ZNF385A: variants seen among roughly 807,000 people sequenced by gnomAD.
ZNF385A encodes the protein zinc finger protein 385A.
Under a neutral mutation model 32.1 loss-of-function variants are expected in ZNF385A, and 14 were observed. The ratio of observed to expected loss-of-function variants is 0.44; its 90% CI spans 0.29 to 0.68. The LOEUF (loss-of-function observed/expected upper bound fraction) is 0.68, where lower values mean the gene tolerates loss of function less well. Ranked by LOEUF, ZNF385A falls within the 30% of genes least tolerant of loss-of-function variation. The pLI, the probability that ZNF385A is intolerant of heterozygous loss-of-function variation, is 0.14. For synonymous variants in ZNF385A, 197 were observed against 202.7 expected, an observed-to-expected ratio of 0.97 and a Z score of 0.24; for missense variants, 406 against 478.4, an observed-to-expected ratio of 0.85 and a Z score of 1.41.
intron 4 of ZNF385A, 47 bp downstream of exon 4, chr12:54,371,426 G>T (rs779656081): frequency 4.6e-5 from 72 of 1,581,708 alleles, no homozygotes; most frequent in Non-Finnish European, 6.1e-5. Context: ...AGAGGCAGGG[G>T]TGGCCTGAGG....
upstream of ZNF385A, chr12:54,385,541 G>T: frequency 1.4e-6 from 1 of 708,120 alleles, no homozygotes; most frequent in African/African-American, 1.9e-5. Flanking sequence ...CCCCCTGACA[G>T]CAACAGGGGT....
chr12:54,373,626 C>T (rs1370722670), intron 3 of ZNF385A, among the ~76,000 whole-genome samples: 2 of 152,228 alleles, frequency 1.3e-5, no homozygotes, highest in Non-Finnish European at 2.9e-5. Flanking sequence ...ATTCTGATTC[C>T]CTTCCCTGCC....
Position 54,371,716 on chromosome 12 carries a change from CTGT to C in ZNF385A, c.362-4_362-2del. ...GGCCCCAGTCCATTCTCCATGGAAA[CTGT>C]TGTTGGGGGAGAAACATGGGGATCA... On this transcript the variant is annotated splice_acceptor_variant and splice_polypyrimidine_tract_variant and intron_variant, in intron 3 of 6. Transcript: ENST00000394313. LOFTEE classifies it high-confidence loss of function. 1 of 1,611,536 alleles carries C rather than the reference CTGT, an allele frequency of 6.2e-7. No homozygotes were observed. Among genetic ancestry groups the C allele is most frequent in the Non-Finnish European group, 8.5e-7 (1 of 1,179,242 alleles).
At chr12:54,380,152 T>G (rs770460864) in intron 1 of ZNF385A, among the ~76,000 whole-genome samples, 1 of 152,126 alleles carries the variant, frequency 6.6e-6, no homozygotes, top group African/African-American at 2.4e-5. Context: ...ACTGCCCAAG[T>G]AGGAGAGAGC....
At position 54,379,414 on chromosome 12, in the gene ZNF385A, G is replaced by A. The variant is rs1430138652; in HGVS notation, c.88-3460C>T. 2.6e-5 allele frequency among the ~76,000 whole-genome samples: 4 copies of A among 152,006 alleles called. No homozygotes were observed. The South Asian group carries it at 8.3e-4, about 31-fold the overall frequency. On this transcript the variant is annotated intron_variant, in intron 1 of 6. Coordinates refer to ENST00000394313, the MANE Select transcript of ZNF385A (RefSeq NM_015481.3). ...AAGGAGCCGCTTGGCCCCGCGGCAG[G>A]GGCATTGACCAGATGACCTCGTTGC...
Position 54,370,106 on chromosome 12 carries a change from C to T in ZNF385A, c.*150G>A, listed in dbSNP as rs1954436265. The T allele has an allele frequency of 1.6e-6, 1 of 636,678 alleles. No individual in the cohort carries two copies. The allele number at this position is 636,678 out of a possible 1,614,324, so 39.4% of individuals were successfully genotyped here. A position where few individuals can be genotyped will look rare whatever the true frequency, so the allele number is the denominator to read the frequency against. ...CTGAAGCCCCCCTCCCCCGCTACCC[C>T]TCCCCTTTCCTGGAACCCCGTATCT... On this transcript the variant is annotated 3_prime_UTR_variant, in exon 7 of 7. Coordinates refer to ENST00000394313, the MANE Select transcript of ZNF385A (RefSeq NM_015481.3). This position sits in a 1 kb window ranked among gnomAD's most constrained non-coding sequence, Gnocchi z 5.5.
At chr12:54,390,648 C>T (rs1393417189) in intron 1 of ZNF385A, among the ~76,000 whole-genome samples, 1 of 150,458 alleles carries the variant, frequency 6.6e-6, no homozygotes, top group East Asian at 2.0e-4. Context: ...TTTTCCCCAC[C>T]CCCTCTTCTC....
At chr12:54,377,489 G>T (rs1245583673) in intron 1 of ZNF385A, among the ~76,000 whole-genome samples, 1 of 152,180 alleles carries the variant, frequency 6.6e-6, no homozygotes, top group Non-Finnish European at 1.5e-5. Flanking sequence ...GGTGGAGTGT[G>T]AATAAGTGTC....
chr12:54,372,203 C>T (rs897643631), intron 3 of ZNF385A, among the ~76,000 whole-genome samples: 3 of 152,186 alleles, frequency 2.0e-5, no homozygotes, highest in East Asian at 3.9e-4. Flanking sequence ...AACATCAGAA[C>T]CGGAGAGGGA....
At chr12:54,385,725 C>A, upstream of ZNF385A, 1 of 954,592 alleles carries the variant, frequency 1.0e-6, no homozygotes, top group Non-Finnish European at 1.2e-6. Context: ...CCTGGCCCCC[C>A]AGGGGCCTGG....
intron 1 of ZNF385A, chr12:54,378,962 CAG>C: frequency 2.8e-6 from 2 of 727,076 alleles, no homozygotes; most frequent in Non-Finnish European, 3.4e-6. Flanking sequence ...GAGGACTAGG[CAG>C]AGGGAGCGGT....
In ZNF385A at chr12:54,384,467, C is replaced by G. The variant is rs750753627; in HGVS notation, c.48G>C (p.Glu16Asp). Reference protein sequence around the residue: ...DLKQILPFPLEPAPTLGLFSN... With the variant: ...DLKQILPFPLDPAPTLGLFSN... ...TGAAGAGGCCAAGGGTAGGGGCTGGCTCGAGTGGGAAGGGCAGGATCTGCT... is the reference window on the plus strand; with the variant it reads ...TGAAGAGGCCAAGGGTAGGGGCTGGGTCGAGTGGGAAGGGCAGGATCTGCT... The change falls in exon 1 of 7, where the codon GAG becomes GAC. Residue 16 changes from glutamate to aspartate, a missense_variant. Transcript: ENST00000394313. The G allele has an allele frequency of 6.3e-7, 1 of 1,590,576 alleles. No individual in the cohort carries two copies.
intron 2 of ZNF385A, among the ~76,000 whole-genome samples, chr12:54,375,340 T>C (rs1364485026): frequency 1.3e-5 from 2 of 151,976 alleles, no homozygotes; most frequent in African/African-American, 4.8e-5. Flanking sequence ...GGCCAGGCCT[T>C]GTGTGTGATT....
intron 1 of ZNF385A, among the ~76,000 whole-genome samples, chr12:54,391,078 G>T (rs1441360540): frequency 1.3e-5 from 2 of 152,160 alleles, no homozygotes; most frequent in African/African-American, 4.8e-5. Flanking sequence ...GGGAAGAGGG[G>T]ACCCCAGATG....
intron 1 of ZNF385A, among the ~76,000 whole-genome samples, chr12:54,379,416 G>T (rs887195806): frequency 1.3e-5 from 2 of 152,010 alleles, no homozygotes; most frequent in Non-Finnish European, 2.9e-5. Context: ...CGCGGCAGGG[G>T]CATTGACCAG....
intron 1 of ZNF385A, among the ~76,000 whole-genome samples, chr12:54,377,656 G>A (rs1234064633): frequency 6.6e-6 from 1 of 152,194 alleles, no homozygotes; most frequent in Admixed American, 6.5e-5. Flanking sequence ...GTTGGAGACA[G>A]TCTTTAATCA....
intron 1 of ZNF385A, 55 bp from the exon 2 acceptor site, chr12:54,376,009 T>C: frequency 1.4e-6 from 2 of 1,413,652 alleles, no homozygotes; most frequent in South Asian, 1.2e-5. Context: ...ATGTCCAGCA[T>C]TCCCCCAACA....
intron 1 of ZNF385A, among the ~76,000 whole-genome samples, chr12:54,384,222 G>C (rs1357909558): frequency 1.3e-5 from 2 of 152,176 alleles, no homozygotes; most frequent in Non-Finnish European, 2.9e-5. Flanking sequence ...CTGGCCCGTA[G>C]CAAGACCTCA....
In ZNF385A at chr12:54,370,994, G is replaced by A. The variant is rs759984380; in HGVS notation, c.707C>T (p.Ala236Val). ...PPTPGEPEAPAQDRTFHCEIC... is the reference protein window; with the variant it reads ...PPTPGEPEAPVQDRTFHCEIC... ...CTCACAGTGGAAAGTTCGGTCCTGG[G>A]CAGGAGCCTCTGGTTCCCCCGGGGT... is the stretch of plus-strand genomic sequence containing the variant. The change falls in exon 5 of 7, where the codon GCC becomes GTC. Residue 236 changes from alanine (A) to valine (V), a missense_variant. Physicochemically the swap from Ala to Val is moderately conservative, Grantham distance 64 (BLOSUM62 0). Transcript: ENST00000394313. This position sits in a 1 kb window ranked among gnomAD's most constrained non-coding sequence, Gnocchi z 5.5. 1 of 1,614,212 alleles carries A rather than the reference G, an allele frequency of 6.2e-7. No individual in the cohort carries two copies. The highest frequency in any genetic ancestry group is 2.2e-5 in the East Asian group (1 of 44,882).
Sources: allele counts gnomAD v4.1 joint callset (sites outside exome capture counted in the v4.1 genomes callset), GRCh38; gene constraint gnomAD v4.1.1; non-coding constraint Gnocchi (gnomAD v3.1); transcripts MANE v1.5; gene names NCBI Gene and HGNC (gene_info 2026-07-23, HGNC 2026-07-21).